Variants in SCOC observed in about 807,000 individuals in gnomAD.
The protein encoded by SCOC is short coiled-coil protein.
SCOC carries 7 observed loss-of-function variants against 9.9 expected under a neutral mutation model. That is an observed-to-expected ratio of 0.71 (90% CI 0.40 to 1.33). The LOEUF (loss-of-function observed/expected upper bound fraction) is 1.33, where lower values mean the gene tolerates loss of function less well. Among genes scored for constraint, SCOC ranks in the 40% most tolerant of loss-of-function variants. The pLI is 0.01. For synonymous variants in SCOC, 19 were observed against 28.2 expected (o/e 0.67, Z 1.03); for missense variants, 66 against 89.7 (o/e 0.74, Z 1.07).
chr4:140,262,229 T>G (rs1419351400), intron 1 of SCOC, among the ~76,000 whole-genome samples: 1 of 152,076 alleles, frequency 6.6e-6, no homozygotes, highest in East Asian at 1.9e-4. Flanking sequence ...GTTTGTTTTA[T>G]TCAGGAAAAA....
intron 1 of SCOC, among the ~76,000 whole-genome samples, chr4:140,265,410 C>T (rs1730711943): frequency 6.6e-6 from 1 of 152,206 alleles, no homozygotes. Context: ...AGAAAAACTT[C>T]AGTGGCACTA....
chr4:140,367,278 G>A (rs1174990829), intron 2 of SCOC, among the ~76,000 whole-genome samples: 1 of 152,106 alleles, frequency 6.6e-6, no homozygotes, highest in African/African-American at 2.4e-5. Context: ...AGTTATCACT[G>A]TAACCCTGAC....
chr4:140,357,835 G>A (rs1727293899), intron 2 of SCOC, among the ~76,000 whole-genome samples: 1 of 149,766 alleles, frequency 6.7e-6, no homozygotes, highest in Non-Finnish European at 1.5e-5. Flanking sequence ...ATGACGAATA[G>A]TAGCATCTTT....
intron 2 of SCOC, among the ~76,000 whole-genome samples, chr4:140,347,867 C>A (rs1404086144): frequency 6.6e-6 from 1 of 152,174 alleles, no homozygotes; most frequent in Non-Finnish European, 1.5e-5. Flanking sequence ...TTCACAATGG[C>A]ATCTCAAGGT....
At chr4:140,314,802 G>A (rs988096957) in intron 1 of SCOC, among the ~76,000 whole-genome samples, 1 of 152,150 alleles carries the variant, frequency 6.6e-6, no homozygotes, top group Non-Finnish European at 1.5e-5. Flanking sequence ...AAGGCAATGA[G>A]ATGTCCAGGG....
chr4:140,306,188 T>C (rs74777237), intron 1 of SCOC, among the ~76,000 whole-genome samples: 1 of 152,098 alleles, frequency 6.6e-6, no homozygotes, highest in Non-Finnish European at 1.5e-5. Flanking sequence ...ACGTCTTTCA[T>C]GGTGGCAGGC....
At chr4:140,355,647 T>A (rs1727196475) in intron 2 of SCOC, among the ~76,000 whole-genome samples, 1 of 152,190 alleles carries the variant, frequency 6.6e-6, no homozygotes, top group Non-Finnish European at 1.5e-5. Context: ...CTAGTTATGT[T>A]ATGAGGTCAT....
At chr4:140,342,607 T>G (rs1203163500), upstream of SCOC, among the ~76,000 whole-genome samples, 2 of 152,176 alleles carry the variant, frequency 1.3e-5, no homozygotes, top group African/African-American at 4.8e-5. Flanking sequence ...AAAAAAATAT[T>G]ATATGTATCA....
At chr4:140,319,245 C>T (rs1209407707) in intron 1 of SCOC, among the ~76,000 whole-genome samples, 1 of 152,160 alleles carries the variant, frequency 6.6e-6, no homozygotes, top group South Asian at 2.1e-4. Flanking sequence ...CCATGCGCCA[C>T]CACGCCTGGC....
At chr4:140,314,582 T>G (rs555809756) in intron 1 of SCOC, 1 of 152,204 alleles carries the variant, frequency 6.6e-6, no homozygotes, top group Non-Finnish European at 1.5e-5. Flanking sequence ...TCATTCTTTG[T>G]GTTCTTTTGG....
At chr4:140,325,398 G>C (rs149247574) in intron 1 of SCOC, among the ~76,000 whole-genome samples, 34 of 152,082 alleles carry the variant, frequency 2.2e-4, no homozygotes, top group African/African-American at 7.9e-4. Context: ...GCACAGACTG[G>C]GGAAAAAATT....
chr4:140,379,288 A>T (rs746814819), intron 2 of SCOC, 96 bp downstream of exon 2: 1 of 879,614 alleles, frequency 1.1e-6, no homozygotes, highest in African/African-American at 1.7e-5. Context: ...TGTTTAGAAG[A>T]CTTTGATCTT....
intron 1 of SCOC, among the ~76,000 whole-genome samples, chr4:140,276,988 T>G (rs932554833): frequency 1.2e-4 from 19 of 152,226 alleles, no homozygotes; most frequent in African/African-American, 3.4e-4. Flanking sequence ...AGGATCAATT[T>G]GCAAACTTAA....
At chr4:140,360,470 TAAGC>T (rs1424973241) in intron 2 of SCOC, among the ~76,000 whole-genome samples, 1 of 152,180 alleles carries the variant, frequency 6.6e-6, no homozygotes, top group Non-Finnish European at 1.5e-5. Flanking sequence ...TAACGTTCTG[TAAGC>T]GTGAAGAGCC....
Position 140,366,618 on chromosome 4 carries a change from G to A in SCOC, c.71-12503G>A. The A allele has an allele frequency of 2.5e-6, 4 of 1,606,740 alleles. No homozygotes were observed. In the South Asian group the frequency reaches 4.4e-5, roughly 18 times the overall value. ...GTGTGGCTGCCCATTTTGTATTGAT[G>A]TTTGCCTTCTGCCAGGCTTGTCTGA... is the stretch of plus-strand genomic sequence containing the variant. On this transcript the variant is annotated intron_variant, in intron 2 of 4. Transcript: ENST00000338517.
chr4:140,336,676 C>G (rs1404797968), intron 1 of SCOC, among the ~76,000 whole-genome samples: 2 of 152,090 alleles, frequency 1.3e-5, no homozygotes. Context: ...ATAAATAATG[C>G]TGCTATAAAT....
At chr4:140,325,450 A>G (rs1578811258) in intron 1 of SCOC, among the ~76,000 whole-genome samples, 1 of 152,206 alleles carries the variant, frequency 6.6e-6, no homozygotes, top group Admixed American at 6.5e-5. Flanking sequence ...CAGAGTGTAT[A>G]TATAATATGT....
intron 1 of SCOC, among the ~76,000 whole-genome samples, chr4:140,266,899 TC>T (rs1416370526): frequency 1.3e-5 from 2 of 152,174 alleles, no homozygotes; most frequent in East Asian, 1.9e-4. Context: ...ATCTATAAAG[TC>T]TCTTCCTGGG....
intron 1 of SCOC, 116 bp from the exon 2 acceptor site, chr4:140,379,005 G>A (rs1728459476): frequency 3.0e-6 from 2 of 676,350 alleles, no homozygotes; most frequent in South Asian, 3.6e-5. Flanking sequence ...TTTATTCTTA[G>A]TAAAGCATAT....
Sources: allele counts gnomAD v4.1 joint callset (sites outside exome capture counted in the v4.1 genomes callset), GRCh38; gene constraint gnomAD v4.1.1; transcripts MANE v1.5; gene names NCBI Gene and HGNC (gene_info 2026-07-23, HGNC 2026-07-21).